The following NEB variants were observed in gnomAD, a reference collection of about 807,000 sequenced individuals.
NEB encodes the protein nemaline myopathy type 2.
A neutral mutation model predicts 952.2 loss-of-function variants in NEB; 512 were observed. The observed-to-expected ratio is 0.54, with a 90% CI of 0.50 to 0.58. NEB has a LOEUF of 0.58. Ranked by LOEUF, NEB falls within the 20% of genes least tolerant of loss-of-function variation. The probability of loss-of-function intolerance (pLI) is 0.00; values close to 1 mark genes in which losing one functional copy is unlikely to be tolerated. For synonymous variants in NEB, 2,900 were observed against 3,149.8 expected (o/e 0.92, Z 2.66); for missense variants, 8,428 against 9,231.1 (o/e 0.91, Z 3.56).
At chr2:151,524,641 C>CT (rs1261149640) in intron 151 of NEB, 25 bp from the exon 152 acceptor site, 2 of 517,716 alleles carry the variant, frequency 3.9e-6, no homozygotes, top group Non-Finnish European at 7.3e-6. Flanking sequence ...AAAATGTTTA[C>CT]TCAAGAGAGA....
rs1388652941 is a variant in NEB at position 151,569,354 on chromosome 2, A to C, written c.17449T>G (p.Leu5817Val). The stretch of plus-strand genomic sequence containing the variant: ...CACCCAATTCCACGCAACCATTCCA[A>C]GTCAGCCTTGTAAACATTCTGTGAA... ...LQSDNVYKAD[L>V]EWLRGIGWMP... is the part of the protein sequence containing the mutation. Residue 5817 changes from leucine (L) to valine (V), a missense_variant, in exon 110 of 182, where the codon TTG becomes GTG. By Grantham distance (32) the Leu-to-Val change is conservative (BLOSUM62 1). Transcript: ENST00000397345. 1 of 1,613,906 alleles carries C rather than the reference A, an allele frequency of 6.2e-7. No individual in the cohort carries two copies. Among genetic ancestry groups the C allele is most frequent in the Non-Finnish European group, 8.5e-7 (1 of 1,179,798 alleles).
chr2:151,489,945 A>T, intron 181 of NEB, 26 bp downstream of exon 181: 1 of 1,505,530 alleles, frequency 6.6e-7, no homozygotes, highest in Non-Finnish European at 9.2e-7. Context: ...AGAATAATTT[A>T]TTTAAGTGAG....
intron 3 of NEB, among the ~76,000 whole-genome samples, chr2:151,731,388 G>C (rs1371054629): frequency 6.6e-6 from 1 of 152,088 alleles, no homozygotes; most frequent in Non-Finnish European, 1.5e-5. Flanking sequence ...CTTTATTTCA[G>C]ATGTCCAAGA....
At chr2:151,724,412 G>A (rs1246318971) in intron 7 of NEB, 48 bp from the exon 8 acceptor site, 9 of 1,407,406 alleles carry the variant, frequency 6.4e-6, no homozygotes, top group Non-Finnish European at 8.9e-6. Flanking sequence ...TCACCCAAAG[G>A]CATGAGGATT....
At chr2:151,729,222 A>T (rs569999031) in intron 4 of NEB, among the ~76,000 whole-genome samples, 1 of 152,314 alleles carries the variant, frequency 6.6e-6, no homozygotes, top group African/African-American at 2.4e-5. Context: ...TACAAGTTAT[A>T]ACTCCACACA....
At position 151,659,516 on chromosome 2, in the gene NEB, G is replaced by C. The variant is rs543269236; in HGVS notation, c.5971-347C>G. On this transcript the variant is annotated intron_variant, in intron 46 of 181. Transcript: ENST00000397345. ...GGTTTTTGCCATGTTGCCCAGGCTG[G>C]TTTCAAACTCCTGAGCTCAAGCAAT... Among the ~76,000 whole-genome samples the C allele has an allele frequency of 3.3e-5, 5 of 152,120 alleles. No individual in the cohort carries two copies. The South Asian group carries it at 1.0e-3, about 32-fold the overall frequency.
intron 142 of NEB, among the ~76,000 whole-genome samples, chr2:151,534,702 A>G (rs938339124): frequency 1.3e-5 from 2 of 152,220 alleles, no homozygotes; most frequent in Non-Finnish European, 2.9e-5. Context: ...ATGCTAAAAC[A>G]TCCACGGGAA....
At chr2:151,551,608 GT>G in intron 129 of NEB, 129 bp downstream of exon 129, 1 of 708,896 alleles carries the variant, frequency 1.4e-6, no homozygotes, top group Non-Finnish European at 2.4e-6. Flanking sequence ...CTGTGTTTTT[GT>G]TTTTTCACCT....
rs2097258881 is a variant in NEB, at chr2:151,591,362, CCCTG to C, written c.14916_14919del (p.Arg4973IlefsTer38). 1 of 1,550,050 alleles carries C rather than the reference CCCTG, an allele frequency of 6.5e-7. No homozygotes were observed. The highest frequency in any genetic ancestry group is 1.4e-5 in the African/African-American group (1 of 72,920). Reference sequence around the variant, plus strand: ...GGAGCTCTTACATCACTGGCAATATCCCTGGAAGCCTTGGCATGCTGGATCCCAA... The same window carrying C: ...GGAGCTCTTACATCACTGGCAATATCGAAGCCTTGGCATGCTGGATCCCAA... On this transcript the variant is annotated frameshift_variant, in exon 96 of 182. Transcript: ENST00000397345. LOFTEE classifies it high-confidence loss of function.
In NEB at chr2:151,522,441, A is replaced by G. The variant is rs184832657; in HGVS notation, c.22479+1870T>C. On this transcript the variant is annotated intron_variant, in intron 153 of 181. Transcript: ENST00000397345. ...ATTCTCAGTTTGTTTTCATTTCATC[A>G]TTTAACTTGATCAGTGTCAGCAACC... Among the ~76,000 whole-genome samples, 255 of 152,314 alleles carry G rather than the reference A, an allele frequency of 1.7e-3. 2 individuals are homozygous for G. The South Asian group carries it at 0.03, about 18-fold the overall frequency.
Position 151,512,755 on chromosome 2 carries a change from T to C in NEB, c.23324A>G (p.Gln7775Arg), listed in dbSNP as rs1413225260. The change falls in exon 161 of 182, where the codon CAA (glutamine) becomes CGA (arginine). Residue 7775 changes from glutamine (Q) to arginine (R), a missense_variant. By Grantham distance (43) the Gln-to-Arg change is conservative (BLOSUM62 1). Coordinates refer to ENST00000397345, the MANE Select transcript of NEB (RefSeq NM_001164508.2). Reference protein sequence around the residue: ...VDTPEIIHAQQVKNLSSQKKY... With the variant: ...VDTPEIIHAQRVKNLSSQKKY... Reference sequence around the variant, plus strand: ...TACCTGGCTTGAAAGATTCTTGACTTGTTGGGCATGAATGATCTCTGGAGT... The same window carrying C: ...TACCTGGCTTGAAAGATTCTTGACTCGTTGGGCATGAATGATCTCTGGAGT... 3.1e-6 allele frequency: 5 copies of C among 1,613,618 alleles called. No homozygotes were observed. The highest frequency in any genetic ancestry group is 1.3e-5 in the African/African-American group (1 of 74,942).
At chr2:151,567,952 C>G (rs187984065) in intron 113 of NEB, 119 bp downstream of exon 113, 47 of 707,216 alleles carry the variant, frequency 6.6e-5, no homozygotes, top group East Asian at 5.2e-4. Context: ...CAAGCCTGGC[C>G]AGGTCTGCCA....
chr2:151,654,435 T>C (rs1226605929), intron 51 of NEB, among the ~76,000 whole-genome samples: 1 of 152,194 alleles, frequency 6.6e-6, no homozygotes, highest in Non-Finnish European at 1.5e-5. Flanking sequence ...ATTTTGAAGA[T>C]AGATATTAAG....
rs1261935209 is a variant in NEB, at chr2:151,672,465, G to A, written c.4203C>T (p.Thr1401=). 6.2e-7 allele frequency: 1 copy of A among 1,613,948 alleles called. No homozygotes were observed. Among genetic ancestry groups the A allele is most frequent in the Non-Finnish European group, 8.5e-7 (1 of 1,179,844 alleles). The change falls in exon 37 of 182, where the codon ACC becomes ACT. Residue 1401 remains threonine (T), a synonymous_variant. Transcript: ENST00000397345. ...TAAKMAQDVA[T]NVNYKQPLHH... ...GCAATGGCTGTTTGTAGTTGACATT[G>A]GTAGCGACATCCTGGGCCATCTTTG... is the stretch of plus-strand genomic sequence containing the variant.
chr2:151,485,982 C>G, intron 181 of NEB, 49 bp from the exon 182 acceptor site: 1 of 1,557,594 alleles, frequency 6.4e-7, no homozygotes, highest in African/African-American at 1.4e-5. Context: ...GGATTTGCAA[C>G]AGTTAACACA....
In NEB at chr2:151,530,040, G is replaced by A. The variant is rs138326210; in HGVS notation, c.21631-726C>T. On this transcript the variant is annotated intron_variant, in intron 145 of 181. Coordinates refer to ENST00000397345, the MANE Select transcript of NEB (RefSeq NM_001164508.2). The stretch of plus-strand genomic sequence containing the variant: ...CGGCAGTTATAGCTATTATCATATC[G>A]TGTTATAATTTTTTTTAATCTGCCT... 2.2e-3 allele frequency among the ~76,000 whole-genome samples: 328 copies of A among 152,120 alleles called. 2 individuals are homozygous for A. Among genetic ancestry groups the A allele is most frequent in the East Asian group, 0.012 (64 of 5,182 alleles).
At chr2:151,649,538 G>C (rs1197964456) in intron 54 of NEB, among the ~76,000 whole-genome samples, 1 of 152,124 alleles carries the variant, frequency 6.6e-6, no homozygotes, top group African/African-American at 2.4e-5. Context: ...TCAGTATTCT[G>C]TAATGTTCAA....
chr2:151,562,227 G>C lies in NEB; in HGVS notation c.18892-13C>G, dbSNP rs755820638. On this transcript the variant is annotated splice_polypyrimidine_tract_variant and intron_variant, in intron 120 of 181. Coordinates refer to ENST00000397345, the MANE Select transcript of NEB (RefSeq NM_001164508.2). ...CTTTATACACATTCTGCAAGAAAGA[G>C]AGAACAATGAAATGTGGAAGGTATT... The C allele has an allele frequency of 5.7e-6, 9 of 1,572,048 alleles. No homozygotes were observed. The highest frequency in any genetic ancestry group is 7.9e-6 in the Non-Finnish European group (9 of 1,141,800).
chr2:151,594,863 T>C (rs1459691279), intron 92 of NEB, among the ~76,000 whole-genome samples: 4 of 47,038 alleles, frequency 8.5e-5, no homozygotes, highest in African/African-American at 2.9e-4. Context: ...GGAGAGGTCA[T>C]ACGTGTGTGG....
Sources: allele counts gnomAD v4.1 joint callset (sites outside exome capture counted in the v4.1 genomes callset), GRCh38; gene constraint gnomAD v4.1.1; transcripts MANE v1.5; gene names NCBI Gene and HGNC (gene_info 2026-07-23, HGNC 2026-07-21).